STK31: variants seen among roughly 807,000 people sequenced by gnomAD.
STK31 encodes serine/threonine kinase 31, also known as serine/threonine-protein kinase 31.
Under a neutral mutation model 129.7 loss-of-function variants are expected in STK31, and 89 were observed. The observed-to-expected ratio is 0.69, with a 90% CI of 0.58 to 0.82. The LOEUF is 0.82. Among genes scored for constraint, STK31 ranks in the 40% least tolerant of loss-of-function variants. The pLI, the probability that STK31 is intolerant of heterozygous loss-of-function variation, is 0.00. For synonymous variants in STK31, 448 were observed against 395.3 expected (o/e 1.13, Z -1.58); for missense variants, 1,187 against 1,176.4 (o/e 1.01, Z -0.13).
chr7:23,727,137 A>G (rs1400020403), intron 4 of STK31, 104 bp from the exon 5 acceptor site: 1 of 845,578 alleles, frequency 1.2e-6, no homozygotes, highest in African/African-American at 1.7e-5. Context: ...GTTATATATA[A>G]AGTACTTATT....
At chr7:23,710,438 C>T in intron 1 of STK31, 103 bp downstream of exon 1, 1 of 1,588,336 alleles carries the variant, frequency 6.3e-7, no homozygotes, top group East Asian at 2.3e-5. Context: ...AGGCCCATTT[C>T]AGGGTTTTCT....
intron 23 of STK31, among the ~76,000 whole-genome samples, chr7:23,831,166 A>G (rs181113989): frequency 1.3e-5 from 2 of 152,312 alleles, no homozygotes; most frequent in East Asian, 3.9e-4. Context: ...AGTGCAGTGT[A>G]AAATCAGTTT....
chr7:23,736,777 ATATTT>A, intron 7 of STK31, 122 bp from the exon 8 acceptor site: 2 of 671,434 alleles, frequency 3.0e-6, no homozygotes, highest in South Asian at 4.1e-5. Flanking sequence ...AACTAGGTAA[ATATTT>A]TAGTTTTCAA....
At chr7:23,733,560 G>A (rs1394111390) in intron 6 of STK31, among the ~76,000 whole-genome samples, 2 of 152,018 alleles carry the variant, frequency 1.3e-5, no homozygotes, top group East Asian at 3.9e-4. Context: ...TGTAATCCCA[G>A]CTCTTTGGGA....
chr7:23,783,995 A>G (rs894075408), intron 17 of STK31, among the ~76,000 whole-genome samples: 1 of 152,178 alleles, frequency 6.6e-6, no homozygotes, highest in African/African-American at 2.4e-5. Context: ...TAAAAACAAG[A>G]TATTGCTAGC....
rs70956911 is a variant in STK31 at position 23,717,097 on chromosome 7, CTTTTTTTTT to C, written c.151-364_151-356del. On this transcript the variant is annotated intron_variant, in intron 3 of 23. Coordinates refer to ENST00000355870, the MANE Select transcript of STK31 (RefSeq NM_031414.5). ...TACAGGTGTGAGCCATCGCAACCTG[CTTTTTTTTT>C]TTTTTTTTTTTTTTTTTTTAGCATT... Among the ~76,000 whole-genome samples the C allele has an allele frequency of 3.4e-3, 146 of 42,962 alleles. 1 individual carries two copies. In the Middle Eastern group the frequency reaches 0.037, roughly 11 times the overall value. The allele number at this position is 42,962 out of a possible 152,430, so 28.2% of individuals were successfully genotyped here.
In STK31 at chr7:23,793,295, T is replaced by C. The variant is rs568039542; in HGVS notation, c.2760+2349T>C. ...ATGTAAAACGTGAGTCTAAAACTTA[T>C]AGAAGAAAACATAGGATGAAATATT... On this transcript the variant is annotated intron_variant, in intron 22 of 23. Coordinates refer to ENST00000355870, the MANE Select transcript of STK31 (RefSeq NM_031414.5). 5.3e-5 allele frequency among the ~76,000 whole-genome samples: 8 copies of C among 152,328 alleles called. 1 individual carries two copies. In the South Asian group the frequency reaches 1.4e-3, roughly 28 times the overall value.
At chr7:23,717,728 A>G (rs1249455179) in intron 4 of STK31, 149 bp downstream of exon 4, 5 of 623,600 alleles carry the variant, frequency 8.0e-6, no homozygotes, top group Non-Finnish European at 1.4e-5. Context: ...TATATTTATT[A>G]ATTCAAAAAT....
intron 3 of STK31, 27 bp from the exon 4 acceptor site, chr7:23,717,454 A>G (rs781632972): frequency 4.1e-6 from 6 of 1,477,812 alleles, no homozygotes; most frequent in East Asian, 2.4e-5. Context: ...ATTTTACTGT[A>G]TCTTATACTA....
At chr7:23,724,432 A>G (rs1157804798) in intron 4 of STK31, among the ~76,000 whole-genome samples, 1 of 152,244 alleles carries the variant, frequency 6.6e-6, no homozygotes, top group Non-Finnish European at 1.5e-5. Context: ...GTGATTAAAG[A>G]GACAAACAGG....
chr7:23,752,004 GATAGAGTTTTAAT>G (rs1788742487), intron 8 of STK31, among the ~76,000 whole-genome samples: 1 of 152,120 alleles, frequency 6.6e-6, no homozygotes, highest in Non-Finnish European at 1.5e-5. Context: ...GTGTTTGAGA[GATAGAGTTTTAAT>G]TAGGAAAGAT....
At chr7:23,726,409 A>G (rs1665438114) in intron 4 of STK31, 1 of 116,684 alleles carries the variant, frequency 8.6e-6, no homozygotes, top group Non-Finnish European at 1.6e-5. Context: ...CCTGGGCAAC[A>G]TGGTGAGACC....
At chr7:23,731,299 C>T (rs1369046336) in intron 6 of STK31, among the ~76,000 whole-genome samples, 2 of 152,120 alleles carry the variant, frequency 1.3e-5, no homozygotes, top group Admixed American at 1.3e-4. Context: ...CTTAGAAAGT[C>T]CGTGTTTAGT....
chr7:23,717,624 C>A, intron 4 of STK31, 45 bp downstream of exon 4: 1 of 1,437,254 alleles, frequency 7.0e-7, no homozygotes, highest in Non-Finnish European at 9.7e-7. Flanking sequence ...CTCCTGTCAG[C>A]TTTCCTGTGT....
intron 8 of STK31, among the ~76,000 whole-genome samples, chr7:23,737,857 A>G (rs1039327572): frequency 4.3e-5 from 5 of 115,210 alleles, no homozygotes; most frequent in Non-Finnish European, 9.0e-5. Flanking sequence ...AGTGTGGTTG[A>G]TAAGTGTGTG....
At position 23,800,043 on chromosome 7, in the gene STK31, C is replaced by G. The variant is rs202144975; in HGVS notation, c.2760+9097C>G. ...TCAAAACCACGATGAGATACCATCT[C>G]ATGCCACTTAGAATGGCACTCTTTG... On this transcript the variant is annotated intron_variant, in intron 22 of 23. Coordinates refer to ENST00000355870, the MANE Select transcript of STK31 (RefSeq NM_031414.5). Among the ~76,000 whole-genome samples the G allele has an allele frequency of 7.2e-5, 11 of 152,302 alleles. No homozygotes were observed. In the East Asian group the frequency reaches 1.9e-3, roughly 27 times the overall value.
chr7:23,807,890 T>C (rs1792813679), intron 22 of STK31, among the ~76,000 whole-genome samples: 1 of 152,008 alleles, frequency 6.6e-6, no homozygotes, highest in Non-Finnish European at 1.5e-5. Context: ...TCCAATTGAT[T>C]CTTTTTTATA....
intron 8 of STK31, among the ~76,000 whole-genome samples, chr7:23,748,710 C>A (rs1466665588): frequency 2.0e-5 from 3 of 152,122 alleles, no homozygotes; most frequent in Non-Finnish European, 4.4e-5. Flanking sequence ...TTCCTAATAA[C>A]ATTTTCTTTT....
intron 22 of STK31, among the ~76,000 whole-genome samples, chr7:23,801,015 C>T (rs1792334733): frequency 6.6e-6 from 1 of 152,098 alleles, no homozygotes; most frequent in Non-Finnish European, 1.5e-5. Context: ...CTACTGTGAA[C>T]ATGTGTGTAT....
Sources: gnomAD v4.1 joint callset for allele counts (sites outside exome capture counted in the v4.1 genomes callset) on GRCh38, gnomAD v4.1.1 for gene constraint, MANE v1.5 for transcripts, NCBI Gene and HGNC (gene_info 2026-07-23, HGNC 2026-07-21) for gene names.